The following KIF1B variants were observed in gnomAD, a reference collection of about 807,000 sequenced individuals.
KIF1B encodes the protein kinesin family member 1B.
Under a neutral mutation model 241.9 loss-of-function variants are expected in KIF1B, and 76 were observed. The observed-to-expected ratio is 0.31, with a 90% CI of 0.26 to 0.38. The LOEUF (loss-of-function observed/expected upper bound fraction) is 0.38. Ranked by LOEUF, KIF1B falls within the 10% of genes least tolerant of loss-of-function variation. The pLI is 1.00. For synonymous variants in KIF1B, 750 were observed against 796.7 expected, an observed-to-expected ratio of 0.94 and a Z score of 0.99; for missense variants, 1,622 against 2,271.4, an observed-to-expected ratio of 0.71 and a Z score of 5.81.
chr1:10,352,932 A>G (rs1367605178), intron 38 of KIF1B, among the ~76,000 whole-genome samples, 196 bp downstream of exon 38: 1 of 152,202 alleles, frequency 6.6e-6, no homozygotes, highest in East Asian at 1.9e-4. Flanking sequence ...AGTATTGCAG[A>G]TATTTGTATG....
chr1:10,275,319 G>A (rs993704009), intron 10 of KIF1B, 109 bp from the exon 11 acceptor site: 6 of 707,954 alleles, frequency 8.5e-6, no homozygotes, highest in Non-Finnish European at 1.6e-5. Context: ...CCACAGTGTC[G>A]GGGTTGTACT....
At chr1:10,330,838 AAAT>A (rs1250403431) in intron 27 of KIF1B, among the ~76,000 whole-genome samples, 1 of 152,260 alleles carries the variant, frequency 6.6e-6, no homozygotes, top group Admixed American at 6.5e-5. Flanking sequence ...GACATAAATT[AAAT>A]AATTGCACAA....
chr1:10,254,841 C>T (rs1289319466), intron 2 of KIF1B, among the ~76,000 whole-genome samples: 2 of 148,246 alleles, frequency 1.3e-5, no homozygotes, highest in African/African-American at 5.0e-5. Flanking sequence ...CGTGCCACTC[C>T]CCTTCAGCTA....
intron 15 of KIF1B, among the ~76,000 whole-genome samples, chr1:10,290,298 CTTATAT>C (rs988587144): frequency 7.2e-5 from 11 of 151,996 alleles, no homozygotes; most frequent in Middle Eastern, 3.4e-3. Flanking sequence ...GCATTAGGTT[CTTATAT>C]TTATATAAGT....
chr1:10,232,829 A>C (rs999523401), intron 2 of KIF1B, among the ~76,000 whole-genome samples: 1 of 152,196 alleles, frequency 6.6e-6, no homozygotes, highest in Non-Finnish European at 1.5e-5. Flanking sequence ...AGATGATCTT[A>C]GAACTTTTCA....
At chr1:10,373,835 T>C (rs559808546) in intron 45 of KIF1B, among the ~76,000 whole-genome samples, 26 of 152,278 alleles carry the variant, frequency 1.7e-4, no homozygotes, top group Middle Eastern at 3.4e-3. Context: ...GGGAGGCTTG[T>C]TGAAGCCCCC....
intron 26 of KIF1B, 136 bp downstream of exon 26, chr1:10,325,031 C>T (rs765181088): frequency 8.8e-6 from 8 of 909,558 alleles, no homozygotes; most frequent in Non-Finnish European, 1.4e-5. Flanking sequence ...CTTATCCACT[C>T]ACAACCACTG....
chr1:10,258,042 A>G (rs1647902301), intron 3 of KIF1B, among the ~76,000 whole-genome samples: 1 of 152,214 alleles, frequency 6.6e-6, no homozygotes, highest in African/African-American at 2.4e-5. Flanking sequence ...TGAGAAGGGG[A>G]TTGGAAATGC....
intron 22 of KIF1B, chr1:10,304,147 C>A: frequency 6.2e-7 from 1 of 1,613,982 alleles, no homozygotes. Context: ...GGTTATAGAG[C>A]TTAGGATTCC....
chr1:10,352,775 C>G (rs770475605), intron 38 of KIF1B, 39 bp downstream of exon 38: 4 of 1,449,766 alleles, frequency 2.8e-6, no homozygotes, highest in African/African-American at 2.8e-5. Context: ...TCCACACTTG[C>G]AGGCGTTAAT....
chr1:10,362,356 G>C (rs1205982173), intron 40 of KIF1B, among the ~76,000 whole-genome samples: 2 of 151,922 alleles, frequency 1.3e-5, no homozygotes, highest in African/African-American at 4.8e-5. Flanking sequence ...CACACCTGTA[G>C]TCCCAGCTAC....
At chr1:10,367,104 A>T (rs1246387640) in intron 43 of KIF1B, among the ~76,000 whole-genome samples, 3 of 151,450 alleles carry the variant, frequency 2.0e-5, no homozygotes, top group African/African-American at 7.3e-5. Flanking sequence ...TTAAAATTTT[A>T]TTTTTTTTGA....
chr1:10,372,996 T>C (rs1409182907), intron 45 of KIF1B, among the ~76,000 whole-genome samples: 1 of 151,092 alleles, frequency 6.6e-6, no homozygotes, highest in African/African-American at 2.4e-5. Flanking sequence ...TTTTTATTTT[T>C]AGTAGAGATC....
intron 35 of KIF1B, 74 bp from the exon 36 acceptor site, chr1:10,347,687 A>G: frequency 1.6e-6 from 2 of 1,271,848 alleles, no homozygotes; most frequent in Non-Finnish European, 2.3e-6. Flanking sequence ...ATTTATCAAA[A>G]CAAAGACCAC....
chr1:10,247,654 A>G (rs556324106), intron 2 of KIF1B, among the ~76,000 whole-genome samples: 1 of 152,358 alleles, frequency 6.6e-6, no homozygotes, highest in East Asian at 1.9e-4. Flanking sequence ...TATTATTAAT[A>G]TGCCCATATT....
intron 38 of KIF1B, among the ~76,000 whole-genome samples, chr1:10,352,948 A>T (rs1652853145): frequency 6.6e-6 from 1 of 152,250 alleles, no homozygotes; most frequent in South Asian, 2.1e-4. Context: ...GTATGTGATC[A>T]GTTACTCTTA....
intron 1 of KIF1B, among the ~76,000 whole-genome samples, chr1:10,226,300 T>C (rs10492969): frequency 0.55 from 83,350 of 152,044 alleles, 23,903 homozygotes; most frequent in African/African-American, 0.73. Flanking sequence ...TTGTGTGAGA[T>C]TGAATGAAAT....
intron 15 of KIF1B, among the ~76,000 whole-genome samples, chr1:10,285,871 G>A (rs1649665307): frequency 6.6e-6 from 1 of 152,154 alleles, no homozygotes; most frequent in Non-Finnish European, 1.5e-5. Context: ...ATGGAAAACA[G>A]CAATAGAGGA....
chr1:10,230,814 A>G (rs1041038707), intron 1 of KIF1B: 2 of 152,206 alleles, frequency 1.3e-5, no homozygotes, highest in African/African-American at 4.8e-5. Context: ...GAGGGAAACT[A>G]TTCCTCTAAA....
Sources: gnomAD v4.1 joint callset for allele counts (sites outside exome capture counted in the v4.1 genomes callset) on GRCh38, gnomAD v4.1.1 for gene constraint, MANE v1.5 for transcripts, NCBI Gene and HGNC (gene_info 2026-07-23, HGNC 2026-07-21) for gene names.